Variants in MAF observed in about 807,000 individuals in gnomAD.
MAF encodes the protein transcription factor Maf.
MAF carries 10 observed loss-of-function variants against 22.0 expected under a neutral mutation model. The ratio of observed to expected loss-of-function variants is 0.45; its 90% confidence interval spans 0.28 to 0.77. MAF has a LOEUF of 0.77. Among genes scored for constraint, MAF ranks in the 30% least tolerant of loss-of-function variants. MAF has a pLI of 0.12. For synonymous variants in MAF, 337 were observed against 255.8 expected (o/e 1.32, Z -3.03); for missense variants, 544 against 548.4 (o/e 0.99, Z 0.08).
the MAF span, among the ~76,000 whole-genome samples, chr16:79,450,890 G>A: frequency 3.3e-5 from 5 of 151,916 alleles, no homozygotes; most frequent in Non-Finnish European, 7.4e-5. Context: ...AAATTAAGAG[G>A]AAACTTGATG....
At chr16:79,209,438 C>T in the MAF span, among the ~76,000 whole-genome samples, 1 of 152,212 alleles carries the variant, frequency 6.6e-6, no homozygotes, top group Non-Finnish European at 1.5e-5. Context: ...GGTCTTTCCT[C>T]ACGCTTGGCA....
At chr16:79,319,029 C>A in the MAF span, among the ~76,000 whole-genome samples, 1 of 151,986 alleles carries the variant, frequency 6.6e-6, no homozygotes, top group Admixed American at 6.6e-5. Flanking sequence ...CAAGGAAAAC[C>A]GGAAAATTCA....
chr16:79,349,673 A>T, the MAF span, among the ~76,000 whole-genome samples: 2 of 152,090 alleles, frequency 1.3e-5, no homozygotes, highest in Non-Finnish European at 2.9e-5. Context: ...TGCTGGGACT[A>T]GGGGGGCATT....
chr16:79,266,526 G>T, the MAF span, among the ~76,000 whole-genome samples: 1 of 152,240 alleles, frequency 6.6e-6, no homozygotes, highest in African/African-American at 2.4e-5. Flanking sequence ...ACAACATGGT[G>T]GTGTATGGAA....
chr16:79,290,429 C>T, the MAF span, among the ~76,000 whole-genome samples: 1 of 152,134 alleles, frequency 6.6e-6, no homozygotes, highest in Non-Finnish European at 1.5e-5. Context: ...TCTGAATACC[C>T]TTTGGGTTCA....
At chr16:79,479,501 G>A in the MAF span, among the ~76,000 whole-genome samples, 1 of 152,200 alleles carries the variant, frequency 6.6e-6, no homozygotes, top group Non-Finnish European at 1.5e-5. Context: ...GAATTTGTCA[G>A]GGCGGGGCCA....
At chr16:79,384,227 T>C in the MAF span, among the ~76,000 whole-genome samples, 24 of 151,510 alleles carry the variant, frequency 1.6e-4, no homozygotes, top group Non-Finnish European at 3.4e-4. Flanking sequence ...GTGGATCACC[T>C]GAGGTCAGGA....
the MAF span, among the ~76,000 whole-genome samples, chr16:79,574,645 C>T: frequency 9.2e-5 from 14 of 152,174 alleles, no homozygotes; most frequent in South Asian, 2.1e-4. Flanking sequence ...GCAGGGCAAT[C>T]GGGGGAATGT....
chr16:79,572,926 G>C, the MAF span, among the ~76,000 whole-genome samples: 3 of 152,334 alleles, frequency 2.0e-5, no homozygotes, highest in Non-Finnish European at 2.9e-5. Flanking sequence ...AGCTGCTTAA[G>C]AGGTTACCCA....
chr16:79,563,401 G>C, the MAF span, among the ~76,000 whole-genome samples: 36 of 151,626 alleles, frequency 2.4e-4, 1 homozygote, highest in Admixed American at 1.6e-3. Context: ...GTTTCTTTCT[G>C]TTAAGTACAT....
chr16:79,469,884 C>T, the MAF span, among the ~76,000 whole-genome samples: 1 of 152,202 alleles, frequency 6.6e-6, no homozygotes, highest in African/African-American at 2.4e-5. Flanking sequence ...CTTGAGCCAC[C>T]GCGCCTGGCC....
the MAF span, among the ~76,000 whole-genome samples, chr16:79,388,985 C>A: frequency 1.3e-5 from 2 of 152,084 alleles, no homozygotes; most frequent in Non-Finnish European, 2.9e-5. Flanking sequence ...ATAAGGAGGC[C>A]CTTATGATGT....
the MAF span, among the ~76,000 whole-genome samples, chr16:79,406,938 C>T: frequency 6.6e-6 from 1 of 152,168 alleles, no homozygotes; most frequent in African/African-American, 2.4e-5. Flanking sequence ...AACTCCTTGT[C>T]TGATGCTCTC....
chr16:79,548,603 A>G, the MAF span, among the ~76,000 whole-genome samples: 1 of 152,216 alleles, frequency 6.6e-6, no homozygotes, highest in Non-Finnish European at 1.5e-5. Context: ...GATGATGAAG[A>G]GTCTTGTGTT....
the MAF span, among the ~76,000 whole-genome samples, chr16:79,417,671 G>C: frequency 5.3e-5 from 8 of 152,120 alleles, no homozygotes; most frequent in Non-Finnish European, 1.0e-4. Context: ...GGAGCAGTAC[G>C]GTCCTCCGTC....
chr16:79,472,354 A>C, the MAF span, among the ~76,000 whole-genome samples: 2 of 152,244 alleles, frequency 1.3e-5, no homozygotes, highest in Admixed American at 6.5e-5. Context: ...TAATAATCAA[A>C]AAGTAGAAAT....
At chr16:79,498,567 G>A in the MAF span, among the ~76,000 whole-genome samples, 2 of 152,296 alleles carry the variant, frequency 1.3e-5, no homozygotes, top group Admixed American at 6.5e-5. Flanking sequence ...ACTGTGCCAA[G>A]TGTTTGGTTG....
the MAF span, among the ~76,000 whole-genome samples, chr16:79,357,433 A>AAAAAC: frequency 1.3e-5 from 2 of 152,334 alleles, no homozygotes; most frequent in South Asian, 2.1e-4. Flanking sequence ...CACTGTCTCA[A>AAAAAC]AAAACAAAAC....
the MAF span, among the ~76,000 whole-genome samples, chr16:79,401,512 A>C: frequency 6.6e-6 from 1 of 152,166 alleles, no homozygotes; most frequent in Non-Finnish European, 1.5e-5. Flanking sequence ...TTATTGGAGC[A>C]GGGAGAGCTC....
Sources: allele counts gnomAD v4.1 joint callset (sites outside exome capture counted in the v4.1 genomes callset), GRCh38; gene constraint gnomAD v4.1.1; transcripts MANE v1.5; gene names NCBI Gene and HGNC (gene_info 2026-07-23, HGNC 2026-07-21).